Variants in ZDHHC3 observed in about 807,000 individuals in gnomAD.
The protein encoded by ZDHHC3 is palmitoyltransferase ZDHHC3.
Under a neutral mutation model 30.6 loss-of-function variants are expected in ZDHHC3, and 9 were observed. That is an observed-to-expected ratio of 0.29 (90% CI 0.18 to 0.51). The LOEUF is 0.51. Among genes scored for constraint, ZDHHC3 ranks in the 20% least tolerant of loss-of-function variants. The pLI is 0.97. For missense variants in ZDHHC3, 246 were observed against 384.2 expected (o/e 0.64, Z 3.01); for synonymous variants, 136 against 140.2 (o/e 0.97, Z 0.21).
Position 44,959,364 on chromosome 3 carries a change from C to T in ZDHHC3, c.73G>A (p.Val25Ile). 3.1e-6 allele frequency: 5 copies of T among 1,614,216 alleles called. No individual in the cohort carries two copies. Among genetic ancestry groups the T allele is most frequent in the Middle Eastern group, 3.3e-4 (2 of 6,062 alleles). ...ACAGGACCAGGGTAGGGGGGTGGGA[C>T]ACACTTCTCTGGCTGGAGGTATTCT... ...KPEYLQPEKC[V>I]PPPYPGPVGT... The change falls in exon 2 of 7, where the codon GTC becomes ATC. Residue 25 changes from valine to isoleucine, a missense_variant. Val to Ile is a conservative substitution (Grantham distance 29). Coordinates refer to ENST00000424952, the MANE Select transcript of ZDHHC3 (RefSeq NM_001135179.2). This position sits in a 1 kb window ranked among gnomAD's most constrained non-coding sequence, Gnocchi z 4.3.
chr3:44,944,535 G>A (rs1332799877), intron 3 of ZDHHC3, among the ~76,000 whole-genome samples: 1 of 152,136 alleles, frequency 6.6e-6, no homozygotes, highest in Non-Finnish European at 1.5e-5. Flanking sequence ...CTCCTGCCTT[G>A]GCTTCCCAAA....
chr3:44,961,118 C>T (rs751284119), intron 1 of ZDHHC3, among the ~76,000 whole-genome samples: 11 of 152,216 alleles, frequency 7.2e-5, no homozygotes, highest in Admixed American at 2.6e-4. Context: ...CTCGGCCGGG[C>T]GCAGTGGCTC....
At position 44,916,032 on chromosome 3, in the gene ZDHHC3, T is replaced by C. The variant is rs968391400; in HGVS notation, c.*10657A>G. ...ACTTCCTGTCCAGATTGCAAGTTAATGGCCTTTACAGCTGACTCGGGCTCC... is the reference window on the plus strand; with the variant it reads ...ACTTCCTGTCCAGATTGCAAGTTAACGGCCTTTACAGCTGACTCGGGCTCC... On this transcript the variant is annotated 3_prime_UTR_variant, in exon 7 of 7. Transcript: ENST00000424952. 3 of 152,240 alleles carry C rather than the reference T, an allele frequency of 2.0e-5. No individual in the cohort carries two copies. Among genetic ancestry groups the C allele is most frequent in the African/African-American group, 7.2e-5 (3 of 41,458 alleles). The allele number at this position is 152,240 out of a possible 1,614,324, so 9.4% of individuals were successfully genotyped here.
Position 44,922,852 on chromosome 3 carries a change from G to A in ZDHHC3, c.*3837C>T, listed in dbSNP as rs1392221626. ...GCAACCTCAAGAACACCTTTGAGGA[G>A]GATTCTAGCAAAATCTTTCTCTTTT... On this transcript the variant is annotated 3_prime_UTR_variant, in exon 7 of 7. Transcript: ENST00000424952. 1 of 985,158 alleles carries A rather than the reference G, an allele frequency of 1.0e-6. No homozygotes were observed. Among genetic ancestry groups the A allele is most frequent in the Non-Finnish European group, 1.2e-6 (1 of 829,910 alleles). The allele number at this position is 985,158 out of a possible 1,614,324, so 61.0% of individuals were successfully genotyped here. A position where few individuals can be genotyped will look rare whatever the true frequency, so the allele number is the denominator to read the frequency against.
Position 44,920,477 on chromosome 3 carries a change from T to C in ZDHHC3, c.*6212A>G. 2 of 1,206,868 alleles carry C rather than the reference T, an allele frequency of 1.7e-6. No homozygotes were observed. Among genetic ancestry groups the C allele is most frequent in the Non-Finnish European group, 2.1e-6 (2 of 945,712 alleles). The allele number at this position is 1,206,868 out of a possible 1,614,324, so 74.8% of individuals were successfully genotyped here. On this transcript the variant is annotated 3_prime_UTR_variant, in exon 7 of 7. Transcript: ENST00000424952. ...TTGGACTCAAAGCCATGACCATAGG[T>C]TTTTATGGCCTCCTTGTGAGGAGGT...
chr3:44,920,839 T>G lies in ZDHHC3; in HGVS notation c.*5850A>C. ...AGCCTGGCCTGTCTACCAGAGGTCT[T>G]CAGCAGTAAAGTCGACAAACTTTCA... On this transcript the variant is annotated 3_prime_UTR_variant, in exon 7 of 7. Coordinates refer to ENST00000424952, the MANE Select transcript of ZDHHC3 (RefSeq NM_001135179.2). 1.0e-6 allele frequency: 1 copy of G among 985,458 alleles called. No homozygotes were observed. Among genetic ancestry groups the G allele is most frequent in the African/African-American group, 1.7e-5 (1 of 57,368 alleles). The allele number at this position is 985,458 out of a possible 1,614,324, so 61.0% of individuals were successfully genotyped here.
chr3:44,955,858 T>C (rs896030463), intron 2 of ZDHHC3, among the ~76,000 whole-genome samples: 6 of 152,228 alleles, frequency 3.9e-5, no homozygotes, highest in African/African-American at 1.2e-4. Context: ...GGTGGTAGCA[T>C]GAAGACCCTA....
At chr3:44,929,233 T>A in intron 6 of ZDHHC3, 73 bp downstream of exon 6, 1 of 1,568,444 alleles carries the variant, frequency 6.4e-7, no homozygotes, top group East Asian at 2.3e-5. Context: ...TGTGAGCAGC[T>A]CTCCCAGCAA....
intron 5 of ZDHHC3, among the ~76,000 whole-genome samples, 179 bp from the exon 6 acceptor site, chr3:44,929,615 C>T (rs997933494): frequency 6.6e-6 from 1 of 152,224 alleles, no homozygotes; most frequent in African/African-American, 2.4e-5. Flanking sequence ...CTGGCTATCT[C>T]TCAATCCCTC....
chr3:44,966,413 T>C (rs1316115922), intron 1 of ZDHHC3, among the ~76,000 whole-genome samples: 2 of 152,322 alleles, frequency 1.3e-5, no homozygotes, highest in South Asian at 2.1e-4. Context: ...CACAGTTAAA[T>C]AGTTCAGTCT....
chr3:44,957,644 T>A (rs954393454), intron 2 of ZDHHC3, among the ~76,000 whole-genome samples: 1 of 152,230 alleles, frequency 6.6e-6, no homozygotes, highest in Non-Finnish European at 1.5e-5. Flanking sequence ...AGCTGCTCCC[T>A]CTGCCTCCTT....
At position 44,959,500 on chromosome 3, in the gene ZDHHC3, CT is replaced by C; in HGVS notation, c.-24-41del. 3.2e-6 allele frequency: 5 copies of C among 1,555,596 alleles called. No individual in the cohort carries two copies. Among genetic ancestry groups the C allele is most frequent in the Non-Finnish European group, 4.4e-6 (5 of 1,147,024 alleles). On this transcript the variant is annotated intron_variant, in intron 1 of 6. Transcript: ENST00000424952. The surrounding 1 kb of genome is among the most constrained non-coding windows in gnomAD (Gnocchi z 4.3). ...AAAGAATCCAGAAACTTGGTGTTGT[CT>C]TGTCATCAAGGAGGTTTGACAAAAT...
At chr3:44,929,564 C>A (rs373596119) in intron 5 of ZDHHC3, 128 bp from the exon 6 acceptor site, 4 of 1,268,026 alleles carry the variant, frequency 3.2e-6, no homozygotes, top group East Asian at 2.5e-5. Context: ...TGCCATAGGT[C>A]TCTGGCCTCC....
At chr3:44,972,061 G>C (rs144444855) in intron 1 of ZDHHC3, among the ~76,000 whole-genome samples, 2 of 152,220 alleles carry the variant, frequency 1.3e-5, no homozygotes, top group African/African-American at 4.8e-5. Context: ...AACTGACTTT[G>C]TACATTTCAA....
At chr3:44,945,397 G>C (rs1702828368) in intron 2 of ZDHHC3, 105 bp from the exon 3 acceptor site, 3 of 1,441,746 alleles carry the variant, frequency 2.1e-6, no homozygotes, top group Non-Finnish European at 2.9e-6. Flanking sequence ...ACACACACAT[G>C]GACAGGACAC....
In ZDHHC3 at chr3:44,923,098, C is replaced by CG. The variant is rs1700723776; in HGVS notation, c.*3590dup. ...AAATGTTTGTTTTTTTTTTTTGAGA[C>CG]GGAGTCTCACTCTGTCGCCCAGGCT... On this transcript the variant is annotated 3_prime_UTR_variant, in exon 7 of 7. Transcript: ENST00000424952. 1 of 939,134 alleles carries CG rather than the reference C, an allele frequency of 1.1e-6. No individual in the cohort carries two copies. The highest frequency in any genetic ancestry group is 7.3e-5 in the Admixed American group (1 of 13,678). 58.2% of individuals were successfully genotyped at this position (939,134 alleles called of 1,614,324 possible).
chr3:44,966,006 G>A (rs1229198655), intron 1 of ZDHHC3, among the ~76,000 whole-genome samples: 1 of 152,142 alleles, frequency 6.6e-6, no homozygotes, highest in Non-Finnish European at 1.5e-5. Flanking sequence ...ATCAACAAAG[G>A]GCAATTAATT....
In ZDHHC3 at chr3:44,976,121, G is replaced by T. The variant is rs1469513407; in HGVS notation, c.-213C>A. 1.9e-6 allele frequency: 1 copy of T among 515,394 alleles called. No homozygotes were observed. The highest frequency in any genetic ancestry group is 3.2e-6 in the Non-Finnish European group (1 of 316,942). The allele number at this position is 515,394 out of a possible 1,614,324, so 31.9% of individuals were successfully genotyped here. A position where few individuals can be genotyped will look rare whatever the true frequency, so the allele number is the denominator to read the frequency against. ...GCGGCGCGCAGGAGAAGCCCATCGAGCTCTCCCGGCAGTGGCGGCGGCCGC... is the reference window on the plus strand; with the variant it reads ...GCGGCGCGCAGGAGAAGCCCATCGATCTCTCCCGGCAGTGGCGGCGGCCGC... On this transcript the variant is annotated 5_prime_UTR_variant, in exon 1 of 7. Coordinates refer to ENST00000424952, the MANE Select transcript of ZDHHC3 (RefSeq NM_001135179.2).
chr3:44,920,999 A>C lies in ZDHHC3; in HGVS notation c.*5690T>G, dbSNP rs1700551577. On this transcript the variant is annotated 3_prime_UTR_variant, in exon 7 of 7. Coordinates refer to ENST00000424952, the MANE Select transcript of ZDHHC3 (RefSeq NM_001135179.2). ...TGGATTTAAAGGGATCCTGCAGGCA[A>C]AGTTCTTAAGCTTGAGGTTTGCAGA... The C allele has an allele frequency of 2.0e-6, 2 of 985,354 alleles. No individual in the cohort carries two copies. 61.0% of individuals were successfully genotyped at this position (985,354 alleles called of 1,614,324 possible). A position where few individuals can be genotyped will look rare whatever the true frequency, so the allele number is the denominator to read the frequency against.
Sources: gnomAD v4.1 joint callset for allele counts (sites outside exome capture counted in the v4.1 genomes callset) on GRCh38, gnomAD v4.1.1 for gene constraint, Gnocchi (gnomAD v3.1) non-coding constraint, MANE v1.5 for transcripts, NCBI Gene and HGNC (gene_info 2026-07-23, HGNC 2026-07-21) for gene names.